P2RY2: variants seen among roughly 807,000 people sequenced by gnomAD.
The protein encoded by P2RY2 is purinergic receptor P2Y2, also known as P2Y purinoceptor 2.
For synonymous variants in P2RY2, 241 were observed against 231.9 expected (o/e 1.04, Z -0.35); for missense variants, 567 against 515.7 (o/e 1.10, Z -0.96).
At position 73,242,051 on chromosome 11, in the gene P2RY2, T is replaced by A. The variant is rs1463060547; in HGVS notation, c.*6758T>A. 6.6e-6 allele frequency: 1 copy of A among 152,064 alleles called. No homozygotes were observed. The highest frequency in any genetic ancestry group is 2.4e-5 in the African/African-American group (1 of 41,396). The allele number at this position is 152,064 out of a possible 1,614,324, so 9.4% of individuals were successfully genotyped here. ...AGTGGCAAAGATGTCTTTGAATCCA[T>A]GGTGCCCAGGGTTCAGCGTGTAGAG... On this transcript the variant is annotated 3_prime_UTR_variant, in exon 3 of 3. Coordinates refer to ENST00000393597, the MANE Select transcript of P2RY2 (RefSeq NM_002564.4).
At chr11:73,229,836 GAGCAGT>G (rs1488938600) in intron 2 of P2RY2, among the ~76,000 whole-genome samples, 1 of 152,112 alleles carries the variant, frequency 6.6e-6, no homozygotes, top group African/African-American at 2.4e-5. Context: ...GGCAGAAACA[GAGCAGT>G]GGCGTGAAGG....
At chr11:73,223,463 C>CTGTG (rs113938053) in intron 1 of P2RY2, among the ~76,000 whole-genome samples, 3 of 151,892 alleles carry the variant, frequency 2.0e-5, no homozygotes, top group Non-Finnish European at 2.9e-5. Flanking sequence ...GACAGGCAGA[C>CTGTG]ACAGCCTCCA....
In P2RY2 at chr11:73,234,583, C is replaced by T. The variant is rs1862566049; in HGVS notation, c.424C>T (p.Leu142=). Residue 142 remains leucine, a synonymous_variant, in exon 3 of 3, where the codon CTG becomes TTG. Coordinates refer to ENST00000393597, the MANE Select transcript of P2RY2 (RefSeq NM_002564.4). The part of the protein sequence containing the change: ...CLGVLRPLRS[L]RWGRARYARR... Reference sequence around the variant, plus strand: ...GGGCGTCTTACGACCTCTGCGCTCCCTGCGCTGGGGCCGGGCCCGCTACGC... The same window carrying T: ...GGGCGTCTTACGACCTCTGCGCTCCTTGCGCTGGGGCCGGGCCCGCTACGC... The T allele has an allele frequency of 1.3e-6, 2 of 1,575,992 alleles. No homozygotes were observed. The highest frequency in any genetic ancestry group is 1.3e-5 in the African/African-American group (1 of 74,148).
rs1038467358 is a variant in P2RY2 at position 73,241,594 on chromosome 11, G to T, written c.*6301G>T. On this transcript the variant is annotated 3_prime_UTR_variant, in exon 3 of 3. Coordinates refer to ENST00000393597, the MANE Select transcript of P2RY2 (RefSeq NM_002564.4). ...CTCCAAACTTTTGAGTCACTTTTGG[G>T]TAACAAAGTCAGGTTTAAGATTTCC... 6.6e-6 allele frequency: 1 copy of T among 152,182 alleles called. No individual in the cohort carries two copies. The highest frequency in any genetic ancestry group is 1.5e-5 in the Non-Finnish European group (1 of 68,054). The allele number at this position is 152,182 out of a possible 1,614,324, so 9.4% of individuals were successfully genotyped here.
chr11:73,237,138 G>T lies in P2RY2; in HGVS notation c.*1845G>T. 1 of 985,160 alleles carries T rather than the reference G, an allele frequency of 1.0e-6. No individual in the cohort carries two copies. The highest frequency in any genetic ancestry group is 1.2e-6 in the Non-Finnish European group (1 of 829,712). The allele number at this position is 985,160 out of a possible 1,614,324, so 61.0% of individuals were successfully genotyped here. A position where few individuals can be genotyped will look rare whatever the true frequency, so the allele number is the denominator to read the frequency against. ...ACCCATCACAGACCATGACCCAAAT[G>T]ATTACTCTGTACTGTGCCAGGTGGG... On this transcript the variant is annotated 3_prime_UTR_variant, in exon 3 of 3. Transcript: ENST00000393597.
Position 73,234,534 on chromosome 11 carries a change from C to T in P2RY2, c.375C>T (p.Thr125=), listed in dbSNP as rs766453501. 1.2e-6 allele frequency: 2 copies of T among 1,607,972 alleles called. No individual in the cohort carries two copies. Among genetic ancestry groups the T allele is most frequent in the East Asian group, 2.2e-5 (1 of 44,806 alleles). The change falls in exon 3 of 3, where the codon ACC becomes ACT. Residue 125 remains threonine, a synonymous_variant. Transcript: ENST00000393597. ...TNLYCSILFL[T]CISVHRCLGV... is the part of the protein sequence containing the mutation. ...TTTACTGCAGCATCCTCTTCCTCAC[C>T]TGCATCAGCGTGCACCGGTGTCTGG...
At chr11:73,231,465 G>A (rs1165885689) in intron 2 of P2RY2, among the ~76,000 whole-genome samples, 1 of 151,220 alleles carries the variant, frequency 6.6e-6, no homozygotes, top group Non-Finnish European at 1.5e-5. Context: ...GCTGAGACAT[G>A]AGAATTGCTT....
chr11:73,234,109 G>T, intron 2 of P2RY2, 47 bp from the exon 3 acceptor site: 3 of 1,552,828 alleles, frequency 1.9e-6, no homozygotes, highest in African/African-American at 2.7e-5. Context: ...TCCCCTAGGG[G>T]CGCTCCGGCC....
rs1246093183 is a variant in P2RY2 at position 73,241,835 on chromosome 11, C to T, written c.*6542C>T. ...TGCACAGAACTCTCCAAACATCAGT[C>T]CACACCTTTGTAAAAACAGTCTCTC... is the stretch of plus-strand genomic sequence containing the variant. On this transcript the variant is annotated 3_prime_UTR_variant, in exon 3 of 3. Coordinates refer to ENST00000393597, the MANE Select transcript of P2RY2 (RefSeq NM_002564.4). The T allele has an allele frequency of 6.6e-6, 1 of 152,326 alleles. No individual in the cohort carries two copies. Among genetic ancestry groups the T allele is most frequent in the South Asian group, 2.1e-4 (1 of 4,828 alleles). The allele number at this position is 152,326 out of a possible 1,614,324, so 9.4% of individuals were successfully genotyped here.
At chr11:73,228,541 T>C (rs1394441878) in intron 2 of P2RY2, among the ~76,000 whole-genome samples, 1 of 152,192 alleles carries the variant, frequency 6.6e-6, no homozygotes, top group Non-Finnish European at 1.5e-5. Flanking sequence ...ATTGAGGTCC[T>C]GAGCCAGGCC....
At chr11:73,233,560 C>T (rs1007697419) in intron 2 of P2RY2, among the ~76,000 whole-genome samples, 3 of 152,236 alleles carry the variant, frequency 2.0e-5, no homozygotes, top group African/African-American at 7.2e-5. Context: ...GATTCTAGAG[C>T]TCAGAATCCT....
chr11:73,227,346 C>CTG lies in P2RY2; in HGVS notation c.-199-616_-199-615dup, dbSNP rs145168039. 4.7e-3 allele frequency among the ~76,000 whole-genome samples: 708 copies of CTG among 149,840 alleles called. 2 individuals are homozygous for CTG. Among genetic ancestry groups the CTG allele is most frequent in the Middle Eastern group, 0.017 (5 of 294 alleles). ...CCATTTTAGGCCCTGATGGTCTAGACTGTGTGTGTGTGTGTGTGTGCATCC... is the reference window on the plus strand; with the variant it reads ...CCATTTTAGGCCCTGATGGTCTAGACTGTGTGTGTGTGTGTGTGTGTGCATCC... On this transcript the variant is annotated intron_variant, in intron 1 of 2. Coordinates refer to ENST00000393597, the MANE Select transcript of P2RY2 (RefSeq NM_002564.4).
In P2RY2 at chr11:73,235,061, T is replaced by A. The variant is rs1862599063; in HGVS notation, c.902T>A (p.Leu301His). Residue 301 changes from leucine to histidine, a missense_variant, in exon 3 of 3, where the codon CTT (leucine) becomes CAT (histidine). Physicochemically the swap from Leu to His is moderately conservative, Grantham distance 99 (BLOSUM62 -3). Coordinates refer to ENST00000393597, the MANE Select transcript of P2RY2 (RefSeq NM_002564.4). Reference protein sequence around the residue: ...TRPLASANSCLDPVLYFLAGQ... With the variant: ...TRPLASANSCHDPVLYFLAGQ... ...CCGCTGGCCAGTGCTAACAGTTGCCTTGACCCCGTGCTCTACTTCCTGGCT... is the reference window on the plus strand; with the variant it reads ...CCGCTGGCCAGTGCTAACAGTTGCCATGACCCCGTGCTCTACTTCCTGGCT... 6.2e-7 allele frequency: 1 copy of A among 1,608,040 alleles called. No homozygotes were observed. The highest frequency in any genetic ancestry group is 8.5e-7 in the Non-Finnish European group (1 of 1,179,820).
Position 73,238,659 on chromosome 11 carries a change from G to A in P2RY2, c.*3366G>A, listed in dbSNP as rs1862711090. On this transcript the variant is annotated 3_prime_UTR_variant, in exon 3 of 3. Coordinates refer to ENST00000393597, the MANE Select transcript of P2RY2 (RefSeq NM_002564.4). ...TGCTTCACAGAAGCCCTGGGAAGTA[G>A]ATGCTATGATCCTATTTAGCAGATG... Among the ~76,000 whole-genome samples, 1 of 152,192 alleles carries A rather than the reference G, an allele frequency of 6.6e-6. No homozygotes were observed. Among genetic ancestry groups the A allele is most frequent in the Non-Finnish European group, 1.5e-5 (1 of 68,034 alleles).
At chr11:73,219,508 G>A (rs910816998) in intron 1 of P2RY2, among the ~76,000 whole-genome samples, 4 of 152,198 alleles carry the variant, frequency 2.6e-5, no homozygotes, top group African/African-American at 9.7e-5. Context: ...GTCATGTTCA[G>A]CACCAGTGTC....
At chr11:73,231,482 A>G (rs1449188608) in intron 2 of P2RY2, among the ~76,000 whole-genome samples, 3 of 151,200 alleles carry the variant, frequency 2.0e-5, no homozygotes, top group Non-Finnish European at 2.9e-5. Flanking sequence ...GCTTGAACCC[A>G]GGAGACAGAG....
In P2RY2 at chr11:73,238,833, G is replaced by A. The variant is rs1475584520; in HGVS notation, c.*3540G>A. On this transcript the variant is annotated 3_prime_UTR_variant, in exon 3 of 3. Coordinates refer to ENST00000393597, the MANE Select transcript of P2RY2 (RefSeq NM_002564.4). ...ACACTCACAGCCCTGCAGGGCAGAA[G>A]GGTCTATAAGTGGCCCCTCGCATGA... 2 of 152,244 alleles carry A rather than the reference G, an allele frequency of 1.3e-5. No homozygotes were observed. Among genetic ancestry groups the A allele is most frequent in the Admixed American group, 6.5e-5 (1 of 15,286 alleles). 9.4% of individuals were successfully genotyped at this position (152,244 alleles called of 1,614,324 possible).
Position 73,240,764 on chromosome 11 carries a change from G to A in P2RY2, c.*5471G>A, listed in dbSNP as rs1247388079. On this transcript the variant is annotated 3_prime_UTR_variant, in exon 3 of 3. Transcript: ENST00000393597. ...AGCTCACCACTGAGCTTCCTGGGAT[G>A]GGCACCTGGGATAGCAGCCCAAGTG... The A allele has an allele frequency of 6.6e-6, 1 of 152,310 alleles. No homozygotes were observed. The highest frequency in any genetic ancestry group is 1.5e-5 in the Non-Finnish European group (1 of 68,116). The allele number at this position is 152,310 out of a possible 1,614,324, so 9.4% of individuals were successfully genotyped here.
At position 73,231,451 on chromosome 11, in the gene P2RY2, G is replaced by A. The variant is rs1216303432; in HGVS notation, c.-4-2705G>A. On this transcript the variant is annotated intron_variant, in intron 2 of 2. Transcript: ENST00000393597. ...ACACACCCGTAATCCCAGCTACTTG[G>A]GAGGCTGAGACATGAGAATTGCTTG... 2.0e-5 allele frequency among the ~76,000 whole-genome samples: 3 copies of A among 151,594 alleles called. No individual in the cohort carries two copies. The East Asian group carries it at 5.8e-4, about 29-fold the overall frequency.
Sources: gnomAD v4.1 joint callset for allele counts (sites outside exome capture counted in the v4.1 genomes callset) on GRCh38, gnomAD v4.1.1 for gene constraint, MANE v1.5 for transcripts, NCBI Gene and HGNC (gene_info 2026-07-23, HGNC 2026-07-21) for gene names.